Variants in NTN1 observed in about 807,000 individuals in gnomAD.
NTN1 encodes the protein netrin-1.
In NTN1, 11 loss-of-function variants were observed where a neutral mutation model predicts 54.2. The ratio of observed to expected loss-of-function variants is 0.20; its 90% CI spans 0.13 to 0.34. The LOEUF is 0.34. Among genes scored for constraint, NTN1 ranks in the 10% least tolerant of loss-of-function variants. The pLI is 1.00. For missense variants in NTN1, 740 were observed against 893.1 expected, an observed-to-expected ratio of 0.83 and a Z score of 2.18; for synonymous variants, 371 against 382.0, an observed-to-expected ratio of 0.97 and a Z score of 0.33.
chr17:9,100,071 C>G (rs2092144653), intron 2 of NTN1, among the ~76,000 whole-genome samples: 1 of 147,146 alleles, frequency 6.8e-6, no homozygotes, highest in Non-Finnish European at 1.5e-5. Context: ...ACCTTGGCCT[C>G]CCAAAGTGCT....
intron 2 of NTN1, among the ~76,000 whole-genome samples, chr17:9,122,810 C>A (rs2092235566): frequency 6.6e-6 from 1 of 152,174 alleles, no homozygotes. Context: ...TATATGCAGT[C>A]ATACTTCTTT....
rs190870567 is a variant in NTN1 at position 9,194,424 on chromosome 17, C to T, written c.1411+11455C>T. Among the ~76,000 whole-genome samples, 230 of 152,324 alleles carry T rather than the reference C, an allele frequency of 1.5e-3. 1 individual carries two copies. Among genetic ancestry groups the T allele is most frequent in the African/African-American group, 5.2e-3 (218 of 41,570 alleles). ...AGAAGAGGCACTGCCACGTCCAGTC[C>T]TGTGGCTTCGTGGAGTGAGTGGTGG... On this transcript the variant is annotated intron_variant, in intron 5 of 6. Transcript: ENST00000173229.
intron 5 of NTN1, among the ~76,000 whole-genome samples, chr17:9,191,820 A>C (rs1258077627): frequency 6.7e-6 from 1 of 149,446 alleles, no homozygotes; most frequent in Non-Finnish European, 1.5e-5. Flanking sequence ...TTGAGTCCAG[A>C]AGTTCAAGAC....
At chr17:9,058,562 G>T (rs562296137) in intron 2 of NTN1, among the ~76,000 whole-genome samples, 1 of 135,310 alleles carries the variant, frequency 7.4e-6, no homozygotes, top group Admixed American at 8.6e-5. Context: ...TTATTATACC[G>T]ACCTTGTAGG....
chr17:9,131,353 C>T (rs542561947), intron 2 of NTN1, among the ~76,000 whole-genome samples: 11 of 152,286 alleles, frequency 7.2e-5, no homozygotes, highest in East Asian at 1.9e-4. Flanking sequence ...TCTTCAATCA[C>T]GAGAAACAGG....
intron 1 of NTN1, 123 bp from the exon 2 acceptor site, chr17:9,022,188 G>C: frequency 1.7e-6 from 1 of 603,902 alleles, no homozygotes; most frequent in East Asian, 3.7e-5. Flanking sequence ...AGAGAGGCGG[G>C]CAGTCGGCTG....
chr17:9,061,945 C>G (rs187751460), intron 2 of NTN1, among the ~76,000 whole-genome samples: 1 of 152,196 alleles, frequency 6.6e-6, no homozygotes, highest in African/African-American at 2.4e-5. Flanking sequence ...CCTCGTGATG[C>G]GCCTGCCTCG....
At chr17:9,100,518 G>A (rs1254584213) in intron 2 of NTN1, among the ~76,000 whole-genome samples, 2 of 151,540 alleles carry the variant, frequency 1.3e-5, no homozygotes, top group African/African-American at 4.8e-5. Flanking sequence ...GGCCAGGATG[G>A]TCTCGATCGC....
chr17:9,143,898 CTTT>C (rs34801624), intron 2 of NTN1, among the ~76,000 whole-genome samples: 2 of 140,690 alleles, frequency 1.4e-5, no homozygotes, highest in Middle Eastern at 3.4e-3. Context: ...CCTTTACCTG[CTTT>C]TTTTTTTTTT....
the NTN1 span, among the ~76,000 whole-genome samples, chr17:9,011,089 C>T: frequency 1.3e-5 from 2 of 152,126 alleles, no homozygotes; most frequent in Non-Finnish European, 1.5e-5. Context: ...AGCATTCTTG[C>T]TTCTGTGAGA....
intron 2 of NTN1, among the ~76,000 whole-genome samples, chr17:9,121,069 A>C (rs897319386): frequency 3.3e-5 from 5 of 152,160 alleles, no homozygotes; most frequent in African/African-American, 1.2e-4. Context: ...CCCCTGTCTC[A>C]ATACAGGACT....
chr17:9,125,553 T>A (rs1431545661), intron 2 of NTN1, among the ~76,000 whole-genome samples: 1 of 152,110 alleles, frequency 6.6e-6, no homozygotes, highest in Non-Finnish European at 1.5e-5. Context: ...AAAAATCTTT[T>A]TGTAGAGATG....
intron 3 of NTN1, among the ~76,000 whole-genome samples, chr17:9,178,553 C>T (rs575705949): frequency 3.4e-4 from 52 of 152,384 alleles, no homozygotes; most frequent in African/African-American, 9.6e-4. Context: ...CCCGTGCTCA[C>T]GCCCAGCAGT....
Position 9,210,434 on chromosome 17 carries a change from ACCCC to A in NTN1, c.1412-10732_1412-10729del, listed in dbSNP as rs766710463. 4.4e-3 allele frequency among the ~76,000 whole-genome samples: 327 copies of A among 74,090 alleles called. 1 individual carries two copies. The highest frequency in any genetic ancestry group is 0.021 in the African/African-American group (303 of 14,148). The allele number at this position is 74,090 out of a possible 152,430, so 48.6% of individuals were successfully genotyped here. A position where few individuals can be genotyped will look rare whatever the true frequency, so the allele number is the denominator to read the frequency against. ...CACATGTGCGTGCACACACACACAC[ACCCC>A]CACACCCACACACACACACACACAC... On this transcript the variant is annotated intron_variant, in intron 5 of 6. Transcript: ENST00000173229.
At chr17:9,179,596 T>G (rs574589069) in intron 3 of NTN1, among the ~76,000 whole-genome samples, 1 of 152,158 alleles carries the variant, frequency 6.6e-6, no homozygotes, top group Non-Finnish European at 1.5e-5. Context: ...TTCAGGTCGG[T>G]CCATTTTGGT....
chr17:9,214,719 G>A lies in NTN1; in HGVS notation c.1412-6449G>A, dbSNP rs58312324. Among the ~76,000 whole-genome samples, 783 of 152,320 alleles carry A rather than the reference G, an allele frequency of 5.1e-3. 8 individuals are homozygous for A. The highest frequency in any genetic ancestry group is 0.018 in the African/African-American group (751 of 41,582). ...CGCCTGTAGTCCCAGCTACTCAGGAGGCTGAGGCAGGAGAATCGCTTGAAC... is the reference window on the plus strand; with the variant it reads ...CGCCTGTAGTCCCAGCTACTCAGGAAGCTGAGGCAGGAGAATCGCTTGAAC... On this transcript the variant is annotated intron_variant, in intron 5 of 6. Coordinates refer to ENST00000173229, the MANE Select transcript of NTN1 (RefSeq NM_004822.3).
chr17:9,211,312 T>C lies in NTN1; in HGVS notation c.1412-9856T>C, dbSNP rs1905103104. On this transcript the variant is annotated intron_variant, in intron 5 of 6. Transcript: ENST00000173229. The surrounding 1 kb of genome is among the most constrained non-coding windows in gnomAD (Gnocchi z 4.4). Reference sequence around the variant, plus strand: ...TGGGGCTGATCCCTTGTCATCTGAGTGTCACCTCCTGGGATGGGTCTAAGT... The same window carrying C: ...TGGGGCTGATCCCTTGTCATCTGAGCGTCACCTCCTGGGATGGGTCTAAGT... Among the ~76,000 whole-genome samples the C allele has an allele frequency of 1.3e-5, 2 of 152,124 alleles. No individual in the cohort carries two copies. Among genetic ancestry groups the C allele is most frequent in the South Asian group, 4.1e-4 (2 of 4,826 alleles).
chr17:9,068,096 T>C (rs2092021288), intron 2 of NTN1, among the ~76,000 whole-genome samples: 1 of 152,172 alleles, frequency 6.6e-6, no homozygotes, highest in Non-Finnish European at 1.5e-5. Flanking sequence ...AATCAATAAA[T>C]GTTCATTGGA....
intron 2 of NTN1, among the ~76,000 whole-genome samples, chr17:9,028,190 A>G (rs1419235025): frequency 6.6e-6 from 1 of 152,158 alleles, no homozygotes; most frequent in Non-Finnish European, 1.5e-5. Flanking sequence ...ACTGGAACGT[A>G]TTGAAAAAAT....
Sources: gnomAD v4.1 joint callset for allele counts (sites outside exome capture counted in the v4.1 genomes callset) on GRCh38, gnomAD v4.1.1 for gene constraint, Gnocchi (gnomAD v3.1) non-coding constraint, MANE v1.5 for transcripts, NCBI Gene and HGNC (gene_info 2026-07-23, HGNC 2026-07-21) for gene names.